FRAS1: variants seen among roughly 807,000 people sequenced by gnomAD.
FRAS1 encodes the protein extracellular matrix organizing protein FRAS1.
In FRAS1, 290 loss-of-function variants were observed where a neutral mutation model predicts 435.2. The ratio of observed to expected loss-of-function variants is 0.67; its 90% confidence interval spans 0.61 to 0.73. FRAS1 has a LOEUF of 0.73. Among genes scored for constraint, FRAS1 ranks in the 30% least tolerant of loss-of-function variants. The probability of loss-of-function intolerance (pLI) is 0.00; values close to 1 mark genes in which losing one functional copy is unlikely to be tolerated. For missense variants in FRAS1, 4,860 were observed against 5,001.5 expected, an observed-to-expected ratio of 0.97 and a Z score of 0.85; for synonymous variants, 1,800 against 1,851.0, an observed-to-expected ratio of 0.97 and a Z score of 0.71.
chr4:78,450,676 G>A (rs1487865206), intron 45 of FRAS1, among the ~76,000 whole-genome samples: 1 of 152,084 alleles, frequency 6.6e-6, no homozygotes, highest in African/African-American at 2.4e-5. Flanking sequence ...GGATTAAGGT[G>A]AAAATTATGC....
At chr4:78,189,806 T>C (rs34539621) in intron 2 of FRAS1, among the ~76,000 whole-genome samples, 45,841 of 152,174 alleles carry the variant, frequency 0.3, 7,423 homozygotes, top group South Asian at 0.53. Flanking sequence ...ATTCCATATT[T>C]CCTTCCCAAT....
At chr4:78,418,915 C>G in intron 32 of FRAS1, 34 bp from the exon 33 acceptor site, 1 of 1,297,612 alleles carries the variant, frequency 7.7e-7, no homozygotes, top group Non-Finnish European at 1.1e-6. Context: ...TTTTTCATAC[C>G]ATGTGTTCCT....
chr4:78,067,967 T>G (rs1346612717), intron 2 of FRAS1, among the ~76,000 whole-genome samples: 2 of 151,560 alleles, frequency 1.3e-5, no homozygotes, highest in Non-Finnish European at 2.9e-5. Flanking sequence ...CATAAGCCAC[T>G]GAGCCTGGCC....
At chr4:78,217,453 A>AC (rs1163429843) in intron 2 of FRAS1, among the ~76,000 whole-genome samples, 1 of 152,108 alleles carries the variant, frequency 6.6e-6, no homozygotes, top group African/African-American at 2.4e-5. Flanking sequence ...TCTGTGCGGG[A>AC]CTGCCAGAGC....
At chr4:78,402,971 A>G (rs1044839441) in intron 30 of FRAS1, among the ~76,000 whole-genome samples, 10 of 152,136 alleles carry the variant, frequency 6.6e-5, no homozygotes, top group Non-Finnish European at 1.0e-4. Context: ...ACTGCGTCTT[A>G]TGACAGGTGA....
rs554571481 is a variant in FRAS1, at chr4:78,514,833, G to A, written c.10175-966G>A. ...TGTAATCCTAGCACTTTGGGAGGCT[G>A]AGGCGGGTGGATTGCCTGAGCTTAG... On this transcript the variant is annotated intron_variant, in intron 65 of 73. Coordinates refer to ENST00000512123, the MANE Select transcript of FRAS1 (RefSeq NM_025074.7). Among the ~76,000 whole-genome samples the A allele has an allele frequency of 5.3e-5, 8 of 152,208 alleles. No homozygotes were observed. The East Asian group carries it at 1.5e-3, about 29-fold the overall frequency.
chr4:78,076,029 G>A (rs17002922), intron 2 of FRAS1, among the ~76,000 whole-genome samples: 4,419 of 152,250 alleles, frequency 0.029, 196 homozygotes, highest in African/African-American at 0.1. Flanking sequence ...TGGATTCAGA[G>A]TCTGTCAGTA....
intron 28 of FRAS1, among the ~76,000 whole-genome samples, chr4:78,385,882 CT>C (rs1732200529): frequency 7.4e-6 from 1 of 135,582 alleles, no homozygotes; most frequent in South Asian, 2.3e-4. Flanking sequence ...GAGACTCTGT[CT>C]AAAAAAAAAA....
chr4:78,245,591 C>T (rs1725202295), intron 4 of FRAS1, among the ~76,000 whole-genome samples: 1 of 152,126 alleles, frequency 6.6e-6, no homozygotes, highest in Non-Finnish European at 1.5e-5. Flanking sequence ...AAAAGTACCT[C>T]CCTCCTTTTA....
chr4:78,307,332 G>C (rs1260438936), intron 14 of FRAS1, among the ~76,000 whole-genome samples: 1 of 152,206 alleles, frequency 6.6e-6, no homozygotes, highest in African/African-American at 2.4e-5. Flanking sequence ...TCTGTGCCCT[G>C]CCCCCAGAGG....
rs564479521 is a variant in FRAS1 at position 78,510,079 on chromosome 4, A to G, written c.9780+1073A>G. ...GCCTGAAGAGCAATTCTTTTGCAAC[A>G]TAACCTAGTTCAAATTTAAATAGTC... On this transcript the variant is annotated intron_variant, in intron 63 of 73. Transcript: ENST00000512123. 3.3e-4 allele frequency among the ~76,000 whole-genome samples: 50 copies of G among 152,366 alleles called. 3 individuals carry two copies. The South Asian group carries it at 0.01, about 32-fold the overall frequency.
chr4:78,369,461 C>A (rs931632888), intron 22 of FRAS1, among the ~76,000 whole-genome samples: 8 of 152,168 alleles, frequency 5.3e-5, no homozygotes, highest in Non-Finnish European at 1.2e-4. Flanking sequence ...GTTGCCATCA[C>A]ACAAAAACCT....
chr4:78,461,938 C>T (rs116434201), intron 47 of FRAS1, among the ~76,000 whole-genome samples: 9 of 151,140 alleles, frequency 6.0e-5, no homozygotes, highest in East Asian at 5.8e-4. Context: ...ATTCATTGGT[C>T]GCTTTGGGTT....
intron 22 of FRAS1, among the ~76,000 whole-genome samples, chr4:78,364,393 CATTCTATG>C (rs1262038269): frequency 6.6e-6 from 1 of 152,138 alleles, no homozygotes; most frequent in Non-Finnish European, 1.5e-5. Flanking sequence ...TCAGCAATCC[CATTCTATG>C]ACCCTAGGCA....
chr4:78,512,978 G>A (rs974039809), intron 64 of FRAS1, among the ~76,000 whole-genome samples: 3 of 152,216 alleles, frequency 2.0e-5, no homozygotes, highest in South Asian at 2.1e-4. Context: ...TAAAAGAAAT[G>A]TGAGTGTCAA....
chr4:78,179,495 A>G (rs1232646813), intron 2 of FRAS1, among the ~76,000 whole-genome samples: 4 of 152,014 alleles, frequency 2.6e-5, no homozygotes, highest in African/African-American at 9.7e-5. Context: ...GTTGTATAAA[A>G]CTCTCTAAAA....
chr4:78,132,744 T>G (rs148500076), intron 2 of FRAS1, among the ~76,000 whole-genome samples: 2 of 152,230 alleles, frequency 1.3e-5, no homozygotes, highest in East Asian at 3.9e-4. Flanking sequence ...AGTTTGGGTG[T>G]TTTTCACATG....
At chr4:78,133,519 A>G (rs1719777236) in intron 2 of FRAS1, among the ~76,000 whole-genome samples, 1 of 152,206 alleles carries the variant, frequency 6.6e-6, no homozygotes, top group African/African-American at 2.4e-5. Context: ...AACTAAAAAA[A>G]AAAATTAGAT....
At chr4:78,134,171 A>G (rs1044317493) in intron 2 of FRAS1, among the ~76,000 whole-genome samples, 2 of 151,908 alleles carry the variant, frequency 1.3e-5, no homozygotes, top group Non-Finnish European at 2.9e-5. Flanking sequence ...CGGGCTATTA[A>G]CAGTAGTATA....
Sources: allele counts gnomAD v4.1 joint callset (sites outside exome capture counted in the v4.1 genomes callset), GRCh38; gene constraint gnomAD v4.1.1; transcripts MANE v1.5; gene names NCBI Gene and HGNC (gene_info 2026-07-23, HGNC 2026-07-21).